Variants in WDR47 observed in about 807,000 individuals in gnomAD.
The protein encoded by WDR47 is WD repeat domain 47, also known as WD repeat-containing protein 47.
A neutral mutation model predicts 97.2 loss-of-function variants in WDR47; 32 were observed. That is an observed-to-expected ratio of 0.33 (90% CI 0.25 to 0.44). The LOEUF is 0.44. Among genes scored for constraint, WDR47 ranks in the 20% least tolerant of loss-of-function variants. The pLI, the probability that WDR47 is intolerant of heterozygous loss-of-function variation, is 1.00. For synonymous variants in WDR47, 375 were observed against 373.5 expected (o/e 1.00, Z -0.05); for missense variants, 782 against 1,102.3 (o/e 0.71, Z 4.11).
chr1:109,011,418 A>G lies in WDR47; in HGVS notation c.628T>C (p.Phe210Leu), dbSNP rs1354608882. Reference protein sequence around the residue: ...KGLLYECCVEFCQSKATGEEI... With the variant: ...KGLLYECCVELCQSKATGEEI... ...TCTCCAGTTGCTTTACTCTGACAAA[A>G]TTCTACACAGCATTCATAAAGCAGG... is the stretch of plus-strand genomic sequence containing the variant. The change falls in exon 5 of 15, where the codon TTT becomes CTT. Residue 210 changes from phenylalanine (F) to leucine (L), a missense_variant. Transcript: ENST00000369962. 6.2e-7 allele frequency: 1 copy of G among 1,614,206 alleles called. No individual in the cohort carries two copies.
intron 2 of WDR47, among the ~76,000 whole-genome samples, chr1:109,020,550 C>T (rs1318410003): frequency 3.3e-5 from 5 of 152,304 alleles, no homozygotes; most frequent in Admixed American, 3.3e-4. Context: ...GCGTGAGCCA[C>T]TGTGCCCAGC....
At chr1:108,974,847 A>G (rs1288992955) in intron 13 of WDR47, 93 bp from the exon 14 acceptor site, 1 of 932,052 alleles carries the variant, frequency 1.1e-6, no homozygotes, top group Admixed American at 2.3e-5. Flanking sequence ...TATACTAAAG[A>G]TTTAATGTAG....
At chr1:109,027,904 CAAAT>C (rs918660224) in intron 1 of WDR47, among the ~76,000 whole-genome samples, 3 of 152,188 alleles carry the variant, frequency 2.0e-5, no homozygotes, top group South Asian at 4.1e-4. Context: ...GACCTTATCT[CAAAT>C]AAATAAATAA....
In WDR47 at chr1:108,971,586, G is replaced by C. The variant is rs1657456353; in HGVS notation, c.2618-14C>G. 2 of 1,613,844 alleles carry C rather than the reference G, an allele frequency of 1.2e-6. No homozygotes were observed. Among genetic ancestry groups the C allele is most frequent in the African/African-American group, 1.3e-5 (1 of 74,898 alleles). On this transcript the variant is annotated splice_polypyrimidine_tract_variant and intron_variant, in intron 14 of 14. Transcript: ENST00000369962. ...TGGTGAGGTCCCCTAAATTACAAAA[G>C]AGATGTTGATTTACAATGCAAAATA... is the stretch of plus-strand genomic sequence containing the variant.
chr1:108,992,298 T>C, intron 8 of WDR47: 1 of 824,150 alleles, frequency 1.2e-6, no homozygotes, highest in Non-Finnish European at 2.2e-6. Flanking sequence ...CGCTATTCAC[T>C]TGACCCGGAG....
In WDR47 at chr1:109,023,366, C is replaced by T; in HGVS notation, c.147G>A (p.Met49Ile). ...TAATGAAATCATACCTCAGGAAAAG[C>T]ATATCATCTGAAAACAGGCCATTTA... ...GVINGLFSDDMLFLRQLILDG... is the reference protein window; with the variant it reads ...GVINGLFSDDILFLRQLILDG... Residue 49 changes from methionine to isoleucine, a missense_variant, in exon 2 of 15, where the codon ATG (methionine) becomes ATA (isoleucine). By Grantham distance (10) the Met-to-Ile change is conservative. This residue lies in a region of WDR47 where 428 missense variants were observed against 584.3 expected (regional missense o/e 0.73). Coordinates refer to ENST00000369962, the MANE Select transcript of WDR47 (RefSeq NM_001142551.2). 6.2e-7 allele frequency: 1 copy of T among 1,613,214 alleles called. No individual in the cohort carries two copies. The highest frequency in any genetic ancestry group is 8.5e-7 in the Non-Finnish European group (1 of 1,179,640).
In WDR47 at chr1:109,032,723, C is replaced by T. The variant is rs556597567; in HGVS notation, c.-10+9139G>A. ...ACCAGCCTGGCCAACGTGGCAAAAC[C>T]CTGTCTCTACTAAAAATACATAAAT... is the stretch of plus-strand genomic sequence containing the variant. On this transcript the variant is annotated intron_variant, in intron 1 of 14. Transcript: ENST00000369962. Among the ~76,000 whole-genome samples the T allele has an allele frequency of 3.5e-4, 53 of 151,296 alleles. No homozygotes were observed. The South Asian group carries it at 4.4e-3, about 13-fold the overall frequency.
chr1:108,990,062 A>C (rs557902492), intron 9 of WDR47, among the ~76,000 whole-genome samples: 2 of 152,132 alleles, frequency 1.3e-5, no homozygotes, highest in Non-Finnish European at 2.9e-5. Flanking sequence ...CTAGATTTCT[A>C]GCTTTTCTTG....
rs199562975 is a variant in WDR47 at position 109,013,967 on chromosome 1, T to C, written c.243-42A>G. On this transcript the variant is annotated intron_variant, in intron 3 of 14. Transcript: ENST00000369962. ...AAGCATTAATTTTTCCAATGTCTGA[T>C]GTCAAATATACTTAGAAGTTACTAT... is the stretch of plus-strand genomic sequence containing the variant. 30 of 1,427,608 alleles carry C rather than the reference T, an allele frequency of 2.1e-5. No homozygotes were observed. The Admixed American group carries it at 3.2e-4, about 15-fold the overall frequency. The allele number at this position is 1,427,608 out of a possible 1,614,324, so 88.4% of individuals were successfully genotyped here. A position where few individuals can be genotyped will look rare whatever the true frequency, so the allele number is the denominator to read the frequency against.
At chr1:109,000,849 G>T (rs1040916266) in intron 7 of WDR47, among the ~76,000 whole-genome samples, 1 of 152,106 alleles carries the variant, frequency 6.6e-6, no homozygotes, top group Non-Finnish European at 1.5e-5. Context: ...CACCATTACA[G>T]TTACCTAATT....
chr1:109,017,399 T>C (rs1365312970), intron 3 of WDR47, 119 bp downstream of exon 3: 3 of 797,544 alleles, frequency 3.8e-6, no homozygotes, highest in Non-Finnish European at 6.2e-6. Context: ...AGAGATCAAT[T>C]TGTTTACTCT....
At chr1:108,985,766 T>C (rs1179992287) in intron 10 of WDR47, among the ~76,000 whole-genome samples, 1 of 152,204 alleles carries the variant, frequency 6.6e-6, no homozygotes. Context: ...TATAAGTCTT[T>C]GGTTCTACCT....
chr1:109,015,568 T>C (rs1571223649), intron 3 of WDR47, among the ~76,000 whole-genome samples: 1 of 151,838 alleles, frequency 6.6e-6, no homozygotes, highest in Non-Finnish European at 1.5e-5. Flanking sequence ...CCTCAAGTGA[T>C]CCGCCTGCCT....
intron 3 of WDR47, among the ~76,000 whole-genome samples, chr1:109,014,770 G>C (rs564232071): frequency 2.6e-5 from 4 of 152,156 alleles, no homozygotes; most frequent in African/African-American, 9.6e-5. Context: ...TTTTTCAGAG[G>C]GGAAGGGATA....
chr1:109,036,798 G>A (rs1276288420), intron 1 of WDR47, among the ~76,000 whole-genome samples: 1 of 151,948 alleles, frequency 6.6e-6, no homozygotes, highest in Non-Finnish European at 1.5e-5. Flanking sequence ...TCATGCCACT[G>A]CACTACAGCC....
At chr1:109,030,135 C>G (rs557190481) in intron 1 of WDR47, 111 of 1,232,666 alleles carry the variant, frequency 9.0e-5, no homozygotes, top group Middle Eastern at 8.5e-4. Flanking sequence ...GAAGAAACGC[C>G]TGGTGCAGAG....
At chr1:108,991,405 A>G in intron 8 of WDR47, 76 bp from the exon 9 acceptor site, 1 of 1,355,426 alleles carries the variant, frequency 7.4e-7, no homozygotes. Context: ...CCTTTCAAAC[A>G]CTAATTTTTC....
In WDR47 at chr1:109,030,074, C is replaced by T. The variant is rs543212490; in HGVS notation, c.-9-6553G>A. On this transcript the variant is annotated intron_variant, in intron 1 of 14. Coordinates refer to ENST00000369962, the MANE Select transcript of WDR47 (RefSeq NM_001142551.2). ...CCTACCCACAGGAGAACATGCCTCTCGCAAAAGATCTCCTTCATCCCTCCC... is the reference window on the plus strand; with the variant it reads ...CCTACCCACAGGAGAACATGCCTCTTGCAAAAGATCTCCTTCATCCCTCCC... 7 of 714,388 alleles carry T rather than the reference C, an allele frequency of 9.8e-6. No homozygotes were observed. In the African/African-American group the frequency reaches 1.1e-4, roughly 11 times the overall value. 44.3% of individuals were successfully genotyped at this position (714,388 alleles called of 1,614,324 possible).
chr1:109,032,540 G>A (rs181462083), intron 1 of WDR47, among the ~76,000 whole-genome samples: 1 of 88,696 alleles, frequency 1.1e-5, no homozygotes, highest in East Asian at 3.4e-4. Context: ...TACTCAAGCT[G>A]CTCAATTAAG....
Sources: allele counts gnomAD v4.1 joint callset (sites outside exome capture counted in the v4.1 genomes callset), GRCh38; gene constraint gnomAD v4.1.1; regional missense constraint gnomAD v4.1.1; transcripts MANE v1.5; gene names NCBI Gene and HGNC (gene_info 2026-07-23, HGNC 2026-07-21).